Variants in CCSER1 observed in about 807,000 individuals in gnomAD.
CCSER1 encodes the protein coiled-coil serine rich protein 1, also known as serine-rich coiled-coil domain-containing protein 1.
CCSER1 carries 41 observed loss-of-function variants against 82.0 expected under a neutral mutation model. That is an observed-to-expected ratio of 0.50 (90% CI 0.39 to 0.65). The LOEUF (loss-of-function observed/expected upper bound fraction) is 0.65, where lower values mean the gene tolerates loss of function less well. Among genes scored for constraint, CCSER1 ranks in the 30% least tolerant of loss-of-function variants. The pLI is 0.00. For synonymous variants in CCSER1, 414 were observed against 383.9 expected (o/e 1.08, Z -0.92); for missense variants, 1,119 against 1,064.2 (o/e 1.05, Z -0.72).
chr4:91,084,355 G>C (rs549734702), intron 9 of CCSER1, among the ~76,000 whole-genome samples: 1 of 152,248 alleles, frequency 6.6e-6, no homozygotes, highest in East Asian at 1.9e-4. Context: ...GCTAAATGCT[G>C]TTACATATAA....
At chr4:91,484,171 A>AT (rs1303122196) in intron 10 of CCSER1, among the ~76,000 whole-genome samples, 1 of 152,110 alleles carries the variant, frequency 6.6e-6, no homozygotes, top group Non-Finnish European at 1.5e-5. Flanking sequence ...TTAATATTTA[A>AT]TCACATAGCA....
chr4:91,079,007 G>A (rs1722362976), intron 9 of CCSER1, among the ~76,000 whole-genome samples: 1 of 152,174 alleles, frequency 6.6e-6, no homozygotes, highest in Admixed American at 6.5e-5. Flanking sequence ...ACACTCTTCA[G>A]GATATCATCC....
chr4:91,177,413 C>T (rs904994576), intron 10 of CCSER1, among the ~76,000 whole-genome samples: 7 of 152,108 alleles, frequency 4.6e-5, no homozygotes, highest in East Asian at 1.9e-4. Context: ...CCTCTTTGTA[C>T]GTCTGGTAGA....
chr4:90,512,695 T>C (rs1771712302), intron 5 of CCSER1, among the ~76,000 whole-genome samples: 3 of 152,346 alleles, frequency 2.0e-5, no homozygotes, highest in African/African-American at 7.2e-5. Context: ...CCTTTGTACT[T>C]GATAATTACT....
intron 1 of CCSER1, among the ~76,000 whole-genome samples, chr4:90,233,784 T>C (rs1745197739): frequency 6.6e-6 from 1 of 151,940 alleles, no homozygotes; most frequent in African/African-American, 2.4e-5. Flanking sequence ...TTTATTATCA[T>C]TTGAAAAGTA....
At chr4:90,570,085 A>G (rs1040322324) in intron 5 of CCSER1, among the ~76,000 whole-genome samples, 3 of 152,184 alleles carry the variant, frequency 2.0e-5, no homozygotes, top group Admixed American at 1.3e-4. Context: ...AGCATGAACA[A>G]GGACGATGAC....
chr4:90,256,741 A>G (rs1314017927), intron 1 of CCSER1, among the ~76,000 whole-genome samples: 1 of 152,102 alleles, frequency 6.6e-6, no homozygotes, highest in Admixed American at 6.6e-5. Context: ...TGATCATTTT[A>G]TTTACTGTAG....
intron 1 of CCSER1, among the ~76,000 whole-genome samples, chr4:90,203,384 C>T (rs1015314060): frequency 8.5e-5 from 13 of 152,092 alleles, no homozygotes; most frequent in Non-Finnish European, 1.5e-4. Flanking sequence ...GTGTGATGTT[C>T]CCCTCCCTGT....
intron 3 of CCSER1, among the ~76,000 whole-genome samples, chr4:90,367,009 A>G (rs1347445834): frequency 6.6e-6 from 1 of 151,948 alleles, no homozygotes; most frequent in Non-Finnish European, 1.5e-5. Flanking sequence ...TAGATAAGCA[A>G]TCACTGTGGA....
rs1368203450 is a variant in CCSER1 at position 90,487,182 on chromosome 4, G to T, written c.1724+18828G>T. On this transcript the variant is annotated intron_variant, in intron 5 of 10. Transcript: ENST00000509176. ...CTGCCTTGGCCTTCCAAAGTGCTGG[G>T]ATTACAGGCGTGAGCCACTGGTCCC... 5.3e-5 allele frequency among the ~76,000 whole-genome samples: 8 copies of T among 152,302 alleles called. No homozygotes were observed. The South Asian group carries it at 6.2e-4, about 12-fold the overall frequency.
chr4:90,302,214 A>C (rs2153474514), intron 1 of CCSER1, among the ~76,000 whole-genome samples: 1 of 152,314 alleles, frequency 6.6e-6, no homozygotes, highest in Non-Finnish European at 1.5e-5. Flanking sequence ...GTATTAAAGC[A>C]AGGAGAAATG....
intron 10 of CCSER1, among the ~76,000 whole-genome samples, chr4:91,283,703 A>G (rs1743080041): frequency 6.6e-6 from 1 of 152,072 alleles, no homozygotes; most frequent in Non-Finnish European, 1.5e-5. Flanking sequence ...GCAGCCTCTT[A>G]AGCCACCTTT....
intron 3 of CCSER1, among the ~76,000 whole-genome samples, chr4:90,388,136 A>T (rs1750378469): frequency 6.6e-6 from 1 of 152,118 alleles, no homozygotes; most frequent in Non-Finnish European, 1.5e-5. Context: ...TTTTATGGAA[A>T]AGCATGAAGG....
chr4:91,503,431 TA>T (rs993318004), intron 10 of CCSER1, among the ~76,000 whole-genome samples: 1 of 151,776 alleles, frequency 6.6e-6, no homozygotes, highest in Non-Finnish European at 1.5e-5. Context: ...ATATTAGAAA[TA>T]AAGTAAATTA....
At chr4:90,517,282 T>G (rs1189947439) in intron 5 of CCSER1, among the ~76,000 whole-genome samples, 1 of 152,152 alleles carries the variant, frequency 6.6e-6, no homozygotes, top group Non-Finnish European at 1.5e-5. Context: ...TGTTTTTGCT[T>G]TATATTATAT....
chr4:91,385,403 CA>C (rs1751221186), intron 10 of CCSER1, among the ~76,000 whole-genome samples: 1 of 151,906 alleles, frequency 6.6e-6, no homozygotes, highest in Non-Finnish European at 1.5e-5. Flanking sequence ...TAAAAAGAAA[CA>C]GAAAAGCTAA....
chr4:91,380,551 C>A (rs1219708910), intron 10 of CCSER1, among the ~76,000 whole-genome samples: 2 of 152,152 alleles, frequency 1.3e-5, no homozygotes, highest in Non-Finnish European at 2.9e-5. Flanking sequence ...TCTGTTTTAT[C>A]AGAGACTAGG....
chr4:90,434,731 T>C lies in CCSER1; in HGVS notation c.1604-33503T>C, dbSNP rs79629397. Among the ~76,000 whole-genome samples, 1,183 of 152,264 alleles carry C rather than the reference T, an allele frequency of 7.8e-3. 15 individuals are homozygous for C. The highest frequency in any genetic ancestry group is 0.027 in the African/African-American group (1,110 of 41,562). ...CTAGTGGTGGCTGATTTGAGGAACC[T>C]TGCATTCAATACTAGAGAGTTTTTG... is the stretch of plus-strand genomic sequence containing the variant. On this transcript the variant is annotated intron_variant, in intron 4 of 10. Coordinates refer to ENST00000509176, the MANE Select transcript of CCSER1 (RefSeq NM_001145065.2).
At chr4:90,497,165 A>T (rs1454875635) in intron 5 of CCSER1, among the ~76,000 whole-genome samples, 1 of 152,170 alleles carries the variant, frequency 6.6e-6, no homozygotes, top group East Asian at 1.9e-4. Flanking sequence ...TTTTAACAAC[A>T]GTACTAGTCA....
Sources: gnomAD v4.1 joint callset for allele counts (sites outside exome capture counted in the v4.1 genomes callset) on GRCh38, gnomAD v4.1.1 for gene constraint, MANE v1.5 for transcripts, NCBI Gene and HGNC (gene_info 2026-07-23, HGNC 2026-07-21) for gene names.